Variants in ASTN1 observed in about 807,000 individuals in gnomAD.
ASTN1 encodes astrotactin-1.
Under a neutral mutation model 140.7 loss-of-function variants are expected in ASTN1, and 41 were observed. The ratio of observed to expected loss-of-function variants is 0.29; its 90% CI spans 0.23 to 0.38. The LOEUF is 0.38. ASTN1 is among the 10% of genes least tolerant of loss of function. The pLI is 1.00. For synonymous variants in ASTN1, 640 were observed against 652.2 expected, an observed-to-expected ratio of 0.98 and a Z score of 0.29; for missense variants, 1,479 against 1,678.8, an observed-to-expected ratio of 0.88 and a Z score of 2.08.
At chr1:177,094,873 T>A (rs1283430195) in intron 1 of ASTN1, among the ~76,000 whole-genome samples, 1 of 152,314 alleles carries the variant, frequency 6.6e-6, no homozygotes, top group Non-Finnish European at 1.5e-5. Flanking sequence ...AAAGCCTTCA[T>A]CTTCTTAGAG....
intron 22 of ASTN1, among the ~76,000 whole-genome samples, chr1:176,865,887 G>A (rs1241611452): frequency 6.6e-6 from 1 of 152,154 alleles, no homozygotes; most frequent in African/African-American, 2.4e-5. Flanking sequence ...TTTGCAAGGA[G>A]ACTCCCATTT....
chr1:177,045,257 T>A (rs1290063713), intron 2 of ASTN1, among the ~76,000 whole-genome samples: 1 of 152,196 alleles, frequency 6.6e-6, no homozygotes, highest in Non-Finnish European at 1.5e-5. Context: ...CTGACTGGAC[T>A]TGCAGGCAGA....
chr1:176,875,405 G>C (rs1668520307), intron 21 of ASTN1, among the ~76,000 whole-genome samples: 1 of 152,186 alleles, frequency 6.6e-6, no homozygotes, highest in Non-Finnish European at 1.5e-5. Context: ...ATACATGAAA[G>C]AGTTTTAAGA....
At position 176,962,190 on chromosome 1, in the gene ASTN1, C is replaced by A. The variant is rs549473268; in HGVS notation, c.1598+2973G>T. On this transcript the variant is annotated intron_variant, in intron 9 of 22. Coordinates refer to ENST00000361833, the MANE Select transcript of ASTN1 (RefSeq NM_004319.3). The stretch of plus-strand genomic sequence containing the variant: ...TTTGGTCTGTACCAATCCCTACCCC[C>A]ACAGTCTAGTGGAAAGGAGTGATCC... Among the ~76,000 whole-genome samples, 3 of 152,342 alleles carry A rather than the reference C, an allele frequency of 2.0e-5. No homozygotes were observed. In the East Asian group the frequency reaches 5.8e-4, roughly 29 times the overall value.
chr1:177,133,387 A>T (rs913664952), intron 1 of ASTN1, among the ~76,000 whole-genome samples: 1 of 152,214 alleles, frequency 6.6e-6, no homozygotes, highest in Non-Finnish European at 1.5e-5. Flanking sequence ...CCTTAAAAAT[A>T]TTAGGTTTTT....
chr1:177,087,294 T>C (rs1404805420), intron 1 of ASTN1, among the ~76,000 whole-genome samples: 2 of 152,162 alleles, frequency 1.3e-5, no homozygotes, highest in African/African-American at 4.8e-5. Flanking sequence ...TGGCCATGCC[T>C]AAACAGAAAA....
chr1:177,122,536 T>C (rs1681451665), intron 1 of ASTN1, among the ~76,000 whole-genome samples: 1 of 152,160 alleles, frequency 6.6e-6, no homozygotes, highest in Non-Finnish European at 1.5e-5. Context: ...CTTTTCTCTC[T>C]TCCCTATCCT....
In ASTN1 at chr1:176,884,629, T is replaced by A. The variant is rs564387006; in HGVS notation, c.3075-139A>T. 61 of 912,654 alleles carry A rather than the reference T, an allele frequency of 6.7e-5. No homozygotes were observed. The South Asian group carries it at 1.3e-3, about 19-fold the overall frequency. The allele number at this position is 912,654 out of a possible 1,614,324, so 56.5% of individuals were successfully genotyped here. A position where few individuals can be genotyped will look rare whatever the true frequency, so the allele number is the denominator to read the frequency against. On this transcript the variant is annotated intron_variant, in intron 18 of 22. Coordinates refer to ENST00000361833, the MANE Select transcript of ASTN1 (RefSeq NM_004319.3). ...TGATCTCTTTGAGGGCCTGTCTCTT[T>A]CAAAAGATAGTAATGTTTTTGAGGA...
chr1:176,944,079 A>G, intron 13 of ASTN1, 61 bp from the exon 14 acceptor site: 1 of 1,416,038 alleles, frequency 7.1e-7, no homozygotes, highest in East Asian at 2.5e-5. Context: ...CTTACTGAGC[A>G]TTTTTTTTTT....
intron 22 of ASTN1, among the ~76,000 whole-genome samples, chr1:176,867,718 T>C: frequency 6.6e-6 from 1 of 152,184 alleles, no homozygotes; most frequent in East Asian, 1.9e-4. Context: ...AGTAAGAAAA[T>C]AGAATGTCCT....
rs1483295178 is a variant in ASTN1, at chr1:177,032,486, T to C, written c.835A>G (p.Asn279Asp). The C allele has an allele frequency of 6.2e-7, 1 of 1,614,090 alleles. No individual in the cohort carries two copies. Among genetic ancestry groups the C allele is most frequent in the African/African-American group, 1.3e-5 (1 of 75,042 alleles). ...GTGAGGTCCATCCCCGACTTTTCATTGCAGCCCTGCAGGGAGTCGAGGGTG... is the reference window on the plus strand; with the variant it reads ...GTGAGGTCCATCCCCGACTTTTCATCGCAGCCCTGCAGGGAGTCGAGGGTG... ...TRTLDSLQGC[N>D]EKSGMDLTPG... Residue 279 changes from asparagine (N) to aspartate (D), a missense_variant, in exon 3 of 23, where the codon AAT becomes GAT. Physicochemically the swap from Asn to Asp is conservative, Grantham distance 23. Transcript: ENST00000361833.
At chr1:177,104,904 T>A (rs991225625) in intron 1 of ASTN1, among the ~76,000 whole-genome samples, 1 of 152,196 alleles carries the variant, frequency 6.6e-6, no homozygotes, top group Non-Finnish European at 1.5e-5. Context: ...GCCTTACTGT[T>A]ATCCTTTCTT....
intron 1 of ASTN1, among the ~76,000 whole-genome samples, chr1:177,120,136 A>G (rs1159632767): frequency 2.0e-5 from 3 of 152,216 alleles, no homozygotes; most frequent in Middle Eastern, 3.2e-3. Flanking sequence ...GGAGCAGTGG[A>G]GCTCCTATAG....
chr1:176,886,544 G>T (rs1375321453), intron 18 of ASTN1, among the ~76,000 whole-genome samples: 2 of 152,186 alleles, frequency 1.3e-5, no homozygotes, highest in Non-Finnish European at 2.9e-5. Context: ...ATGAAGAACA[G>T]GAAGCCAAAG....
At chr1:177,105,737 G>C (rs569156780) in intron 1 of ASTN1, among the ~76,000 whole-genome samples, 9 of 151,912 alleles carry the variant, frequency 5.9e-5, no homozygotes, top group African/African-American at 1.4e-4. Flanking sequence ...GTATATTCTC[G>C]CTTTGTTCTC....
intron 1 of ASTN1, among the ~76,000 whole-genome samples, chr1:177,080,991 TTAAAA>T (rs1358097981): frequency 2.0e-5 from 3 of 152,188 alleles, no homozygotes; most frequent in African/African-American, 7.2e-5. Flanking sequence ...TCTCGGACAA[TTAAAA>T]TATAATTGAC....
chr1:176,939,336 G>A (rs1671588722), intron 14 of ASTN1, among the ~76,000 whole-genome samples: 2 of 152,258 alleles, frequency 1.3e-5, no homozygotes, highest in South Asian at 4.2e-4. Context: ...CACAGATGTT[G>A]GGTGGGGAAG....
chr1:176,882,827 A>G, intron 20 of ASTN1, 32 bp downstream of exon 20: 2 of 1,613,422 alleles, frequency 1.2e-6, no homozygotes. Flanking sequence ...CTGTCAGGGT[A>G]AGAAGTCACT....
At chr1:176,921,006 T>C (rs907873514) in intron 16 of ASTN1, among the ~76,000 whole-genome samples, 1 of 152,198 alleles carries the variant, frequency 6.6e-6, no homozygotes, top group Admixed American at 6.5e-5. Context: ...GTTAATCAGA[T>C]TGGAAAACTG....
Sources: gnomAD v4.1 joint callset for allele counts (sites outside exome capture counted in the v4.1 genomes callset) on GRCh38, gnomAD v4.1.1 for gene constraint, MANE v1.5 for transcripts, NCBI Gene and HGNC (gene_info 2026-07-23, HGNC 2026-07-21) for gene names.